COL6A3: variants seen among roughly 807,000 people sequenced by gnomAD.
The protein encoded by COL6A3 is collagen alpha-3(VI) chain.
A neutral mutation model predicts 274.1 loss-of-function variants in COL6A3; 137 were observed. The observed-to-expected ratio is 0.50, with a 90% CI of 0.44 to 0.58. COL6A3 has a LOEUF of 0.58. Among genes scored for constraint, COL6A3 ranks in the 20% least tolerant of loss-of-function variants. The pLI, the probability that COL6A3 is intolerant of heterozygous loss-of-function variation, is 0.00. For synonymous variants in COL6A3, 1,650 were observed against 1,650.6 expected (o/e 1.00, Z 0.01); for missense variants, 3,950 against 4,124.9 (o/e 0.96, Z 1.16).
Position 237,325,678 on chromosome 2 carries a change from T to C in COL6A3, c.9375A>G (p.Ile3125Met). 1 of 1,614,160 alleles carries C rather than the reference T, an allele frequency of 6.2e-7. No individual in the cohort carries two copies. The highest frequency in any genetic ancestry group is 8.5e-7 in the Non-Finnish European group (1 of 1,180,012). The change falls in exon 43 of 44, where the codon ATA becomes ATG. Residue 3125 changes from isoleucine (I) to methionine (M), a missense_variant. Ile to Met is a conservative substitution (Grantham distance 10, BLOSUM62 1). Around this residue, in one of 5 missense-constraint regions of COL6A3, gnomAD observed 1,284 missense variants for 1,349.7 expected, o/e 0.95. Transcript: ENST00000295550. ...TGTTTGGATCATAGTACCATTTTAA[T>C]ATGAAATCCCTGCAAGTTCCTTCGT... ...PKDEGTCRDF[I>M]LKWYYDPNTK... is the part of the protein sequence containing the mutation.
At position 237,358,941 on chromosome 2, in the gene COL6A3, C is replaced by T. The variant is rs1288798526; in HGVS notation, c.6408+94G>A. The T allele has an allele frequency of 6.2e-5, 87 of 1,412,964 alleles. 1 individual carries two copies. The Admixed American group carries it at 8.4e-4, about 14-fold the overall frequency. The allele number at this position is 1,412,964 out of a possible 1,614,324, so 87.5% of individuals were successfully genotyped here. A position where few individuals can be genotyped will look rare whatever the true frequency, so the allele number is the denominator to read the frequency against. ...GTCAGGGAAGGCTGCCTGGAGGAAG[C>T]GGGCTTGATGTATATGAGGAAAGAA... On this transcript the variant is annotated intron_variant, in intron 20 of 43. Transcript: ENST00000295550.
intron 20 of COL6A3, 124 bp from the exon 21 acceptor site, chr2:237,358,707 A>G (rs538830190): frequency 1.1e-6 from 1 of 919,894 alleles, no homozygotes; most frequent in African/African-American, 1.6e-5. Context: ...CTCATTCACC[A>G]TGAAGGCAAA....
At chr2:237,331,746 A>T (rs1391410477) in intron 42 of COL6A3, among the ~76,000 whole-genome samples, 1 of 150,880 alleles carries the variant, frequency 6.6e-6, no homozygotes, top group East Asian at 2.0e-4. Context: ...AAGGTAATTT[A>T]TGTCTTCACC....
Position 237,407,076 on chromosome 2 carries a change from A to AT in COL6A3, c.-31+6876dup, listed in dbSNP as rs1047358181. Among the ~76,000 whole-genome samples, 29 of 151,502 alleles carry AT rather than the reference A, an allele frequency of 1.9e-4. No homozygotes were observed. Among genetic ancestry groups the AT allele is most frequent in the Admixed American group, 7.9e-4 (12 of 15,214 alleles). On this transcript the variant is annotated intron_variant, in intron 1 of 43. Transcript: ENST00000295550. The surrounding 1 kb of genome is among the most constrained non-coding windows in gnomAD (Gnocchi z 4.3). ...AGGTGTGCGCCACCACGCCTGGCTA[A>AT]TTTTTTTTGAATTTTGGTAGAGACA...
chr2:237,387,926 C>A lies in COL6A3; in HGVS notation c.968G>T (p.Gly323Val). Reference protein sequence around the residue: ...GFAGGELANIGLALDFVVENH... With the variant: ...GFAGGELANIVLALDFVVENH... ...CTCCACCACGAAATCAAGGGCGAGG[C>A]CGATATTGGCCAACTCCCCACCAGC... The change falls in exon 4 of 44, where the codon GGC (glycine) becomes GTC (valine). Residue 323 changes from glycine to valine, a missense_variant. This residue lies in a region of COL6A3 where 1,934 missense variants were observed against 1,984.3 expected (regional missense o/e 0.97). Transcript: ENST00000295550. The A allele has an allele frequency of 6.2e-7, 1 of 1,614,194 alleles. No individual in the cohort carries two copies. Among genetic ancestry groups the A allele is most frequent in the Non-Finnish European group, 8.5e-7 (1 of 1,180,018 alleles).
intron 1 of COL6A3, among the ~76,000 whole-genome samples, chr2:237,406,907 CTTTT>C (rs1006109385): frequency 1.6e-5 from 2 of 123,514 alleles, no homozygotes; most frequent in African/African-American, 3.2e-5. Context: ...TCTTTTTTCC[CTTTT>C]TTTTTTTTTT....
At position 237,365,605 on chromosome 2, in the gene COL6A3, G is replaced by T. The variant is rs1031984483; in HGVS notation, c.5838+93C>A. The T allele has an allele frequency of 2.9e-5, 32 of 1,088,212 alleles. No individual in the cohort carries two copies. In the African/African-American group the frequency reaches 3.1e-4, roughly 11 times the overall value. 67.4% of individuals were successfully genotyped at this position (1,088,212 alleles called of 1,614,324 possible). On this transcript the variant is annotated intron_variant, in intron 12 of 43. Coordinates refer to ENST00000295550, the MANE Select transcript of COL6A3 (RefSeq NM_004369.4). ...AGACACTAACAATCCAGTGAAACAT[G>T]AAGAGGATTTAACTTGGGGGAAGGG...
intron 28 of COL6A3, among the ~76,000 whole-genome samples, chr2:237,348,999 T>C (rs952650750): frequency 5.3e-5 from 8 of 152,236 alleles, no homozygotes; most frequent in African/African-American, 1.9e-4. Flanking sequence ...ACAGGAATCT[T>C]GATGGTTACT....
intron 9 of COL6A3, among the ~76,000 whole-genome samples, chr2:237,370,411 G>A (rs1483500414): frequency 6.6e-6 from 1 of 151,300 alleles, no homozygotes; most frequent in Non-Finnish European, 1.5e-5. Context: ...GCTAATTTTT[G>A]TATTTTGAGT....
rs530056565 is a variant in COL6A3, at chr2:237,347,762, T to C, written c.7029+45A>G. The C allele has an allele frequency of 2.0e-4, 314 of 1,546,614 alleles. 2 individuals carry two copies. The South Asian group carries it at 3.4e-3, about 17-fold the overall frequency. On this transcript the variant is annotated intron_variant, in intron 31 of 43. Transcript: ENST00000295550. ...CTCAGCAGTTAATCACATTGAGACATACGTTCTCATTCCTCACCTGCAGCC... is the reference window on the plus strand; with the variant it reads ...CTCAGCAGTTAATCACATTGAGACACACGTTCTCATTCCTCACCTGCAGCC...
At chr2:237,377,616 T>G (rs551094120) in intron 6 of COL6A3, among the ~76,000 whole-genome samples, 4 of 152,312 alleles carry the variant, frequency 2.6e-5, no homozygotes, top group African/African-American at 9.6e-5. Flanking sequence ...AAAGCCCCAC[T>G]GGGTTGTGTT....
chr2:237,380,531 A>C (rs1288547343), intron 5 of COL6A3, among the ~76,000 whole-genome samples: 1 of 152,314 alleles, frequency 6.6e-6, no homozygotes, highest in East Asian at 1.9e-4. Flanking sequence ...TAGATGGACA[A>C]CTCAGGAAAG....
intron 4 of COL6A3, among the ~76,000 whole-genome samples, chr2:237,382,359 GGTGATAGA>G (rs1472793985): frequency 1.3e-5 from 2 of 152,044 alleles, no homozygotes; most frequent in Non-Finnish European, 2.9e-5. Flanking sequence ...CTCCAGCCTG[GGTGATAGA>G]GTGAGATTTC....
chr2:237,381,357 T>A lies in COL6A3; in HGVS notation c.1455A>T (p.Ala485=). Residue 485 remains alanine (A), a synonymous_variant, in exon 5 of 44, where the codon GCA becomes GCT. Transcript: ENST00000295550. ...LEIGQDLIQV[A]VAQYADTVRP... ...TCACAGTGTCTGCATACTGGGCCACTGCCACCTGGATAAGATCCTGTCCGA... is the reference window on the plus strand; with the variant it reads ...TCACAGTGTCTGCATACTGGGCCACAGCCACCTGGATAAGATCCTGTCCGA... 3 of 1,614,254 alleles carry A rather than the reference T, an allele frequency of 1.9e-6. No individual in the cohort carries two copies. The highest frequency in any genetic ancestry group is 2.5e-6 in the Non-Finnish European group (3 of 1,180,050).
chr2:237,371,508 G>T lies in COL6A3; in HGVS notation c.4285+224C>A. 1 of 915,808 alleles carries T rather than the reference G, an allele frequency of 1.1e-6. No individual in the cohort carries two copies. The highest frequency in any genetic ancestry group is 1.5e-6 in the Non-Finnish European group (1 of 658,846). 56.7% of individuals were successfully genotyped at this position (915,808 alleles called of 1,614,324 possible). ...AGCTACTGAGGAGGCTGAAGTGGGA[G>T]GTTGGCTGGATCCCAGAAGGCAGAG... On this transcript the variant is annotated intron_variant, in intron 9 of 43. Transcript: ENST00000295550. The surrounding 1 kb of genome is among the most constrained non-coding windows in gnomAD (Gnocchi z 4.3).
At position 237,361,121 on chromosome 2, in the gene COL6A3, G is replaced by A. The variant is rs774374140; in HGVS notation, c.6210C>T (p.Pro2070=). Residue 2070 remains proline (P), a splice_region_variant and synonymous_variant, in exon 16 of 44, where the codon CCC becomes CCT. Transcript: ENST00000295550. This position sits in a 1 kb window ranked among gnomAD's most constrained non-coding sequence, Gnocchi z 5.1. ...AGGGACTAAAACAATTTTTACTTAC[G>A]GGTCCACCCTCATCACCAGGATAGC... is the stretch of plus-strand genomic sequence containing the variant. ...YRGYPGDEGG[P]GERGPPGVNG... 7.6e-5 allele frequency: 122 copies of A among 1,613,676 alleles called. 2 individuals carry two copies. In the South Asian group the frequency reaches 1.2e-3, roughly 16 times the overall value.
At position 237,379,145 on chromosome 2, in the gene COL6A3, A is replaced by G; in HGVS notation, c.1988T>C (p.Met663Thr). The G allele has an allele frequency of 6.2e-7, 1 of 1,614,286 alleles. No individual in the cohort carries two copies. The highest frequency in any genetic ancestry group is 8.5e-7 in the Non-Finnish European group (1 of 1,180,050). The change falls in exon 6 of 44, where the codon ATG becomes ACG. Residue 663 changes from methionine (M) to threonine (T), a missense_variant. Coordinates refer to ENST00000295550, the MANE Select transcript of COL6A3 (RefSeq NM_004369.4). ...AATATCAAGGCTGTTAACTAGGTTC[A>G]TTACAAAGTCGCGCACATAAGGGAA... is the stretch of plus-strand genomic sequence containing the variant. ...TNFPYVRDFV[M>T]NLVNSLDIGN... is the part of the protein sequence containing the mutation.
Position 237,341,139 on chromosome 2 carries a change from T to C in COL6A3, c.7777A>G (p.Ile2593Val), listed in dbSNP as rs755107410. The change falls in exon 38 of 44, where the codon ATC (isoleucine) becomes GTC (valine). Residue 2593 changes from isoleucine (I) to valine (V), a missense_variant. Physicochemically the swap from Ile to Val is conservative, Grantham distance 29 (BLOSUM62 3). Transcript: ENST00000295550. ...TCHVCLDICN[I>V]DPSCGFGSWR... ...CTGCCAAATCCACAGGATGGGTCGATGTTGCAGATGTCTAGAAAGAAGCAT... is the reference window on the plus strand; with the variant it reads ...CTGCCAAATCCACAGGATGGGTCGACGTTGCAGATGTCTAGAAAGAAGCAT... The C allele has an allele frequency of 6.2e-7, 1 of 1,614,164 alleles. No homozygotes were observed. Among genetic ancestry groups the C allele is most frequent in the Non-Finnish European group, 8.5e-7 (1 of 1,180,028 alleles).
chr2:237,362,195 C>G lies in COL6A3; in HGVS notation c.6064-364G>C, dbSNP rs78704135. Reference sequence around the variant, plus strand: ...TCCAGTTCCAAAGTGCAAAGCCAAGCAAATGGCAGATGGCCAAGACTGAAG... The same window carrying G: ...TCCAGTTCCAAAGTGCAAAGCCAAGGAAATGGCAGATGGCCAAGACTGAAG... On this transcript the variant is annotated intron_variant, in intron 14 of 43. Transcript: ENST00000295550. 2.4e-3 allele frequency among the ~76,000 whole-genome samples: 362 copies of G among 152,294 alleles called. 2 individuals are homozygous for G. Among genetic ancestry groups the G allele is most frequent in the African/African-American group, 8.1e-3 (337 of 41,562 alleles).
Sources: allele counts gnomAD v4.1 joint callset (sites outside exome capture counted in the v4.1 genomes callset), GRCh38; gene constraint gnomAD v4.1.1; regional missense constraint gnomAD v4.1.1; non-coding constraint Gnocchi (gnomAD v3.1); transcripts MANE v1.5; gene names NCBI Gene and HGNC (gene_info 2026-07-23, HGNC 2026-07-21).